The following PTPRT variants were observed in gnomAD, a reference collection of about 807,000 sequenced individuals.
PTPRT encodes the protein receptor-type tyrosine-protein phosphatase T.
Under a neutral mutation model 176.8 loss-of-function variants are expected in PTPRT, and 56 were observed. The observed-to-expected ratio is 0.32, with a 90% CI of 0.26 to 0.40. PTPRT has a LOEUF of 0.40. PTPRT is among the 10% of genes least tolerant of loss of function. The pLI is 1.00. For missense variants in PTPRT, 1,540 were observed against 1,908.2 expected, an observed-to-expected ratio of 0.81 and a Z score of 3.60; for synonymous variants, 783 against 739.0, an observed-to-expected ratio of 1.06 and a Z score of -0.96.
intron 9 of PTPRT, among the ~76,000 whole-genome samples, chr20:42,369,566 A>T (rs2058560131): frequency 6.6e-6 from 1 of 152,208 alleles, no homozygotes; most frequent in Admixed American, 6.5e-5. Flanking sequence ...TAAAAATGAA[A>T]GGTGCCAGAG....
intron 13 of PTPRT, among the ~76,000 whole-genome samples, chr20:42,264,986 T>C (rs981383874): frequency 5.9e-5 from 9 of 152,242 alleles, no homozygotes; most frequent in African/African-American, 2.2e-4. Context: ...GCTCACTCTC[T>C]GGACCTCAAT....
At chr20:42,864,260 C>A (rs540609567) in intron 2 of PTPRT, among the ~76,000 whole-genome samples, 1 of 152,184 alleles carries the variant, frequency 6.6e-6, no homozygotes, top group Non-Finnish European at 1.5e-5. Context: ...CTCAGGTCTT[C>A]AAAGAAGGCC....
intron 1 of PTPRT, among the ~76,000 whole-genome samples, chr20:42,949,090 T>C (rs1398198501): frequency 6.6e-6 from 1 of 152,196 alleles, no homozygotes; most frequent in Non-Finnish European, 1.5e-5. Context: ...ATCATCCCAT[T>C]GCTAAAAACA....
chr20:42,835,738 T>C (rs1299991687), intron 2 of PTPRT, among the ~76,000 whole-genome samples: 27 of 152,198 alleles, frequency 1.8e-4, no homozygotes, highest in Admixed American at 1.7e-3. Flanking sequence ...TTTCATTTTA[T>C]TCTTTACAAT....
chr20:42,589,371 A>G (rs978081409), intron 7 of PTPRT, among the ~76,000 whole-genome samples: 3 of 152,222 alleles, frequency 2.0e-5, no homozygotes, highest in South Asian at 4.1e-4. Context: ...AGCAAAAATG[A>G]TAAACTCAAT....
chr20:42,687,379 A>C (rs1422630139), intron 6 of PTPRT: 1 of 152,222 alleles, frequency 6.6e-6, no homozygotes, highest in Non-Finnish European at 1.5e-5. Flanking sequence ...TGCATAATTC[A>C]ATAACAACTT....
chr20:42,546,755 C>T (rs1428340018), intron 7 of PTPRT, among the ~76,000 whole-genome samples: 2 of 151,794 alleles, frequency 1.3e-5, no homozygotes, highest in African/African-American at 2.4e-5. Flanking sequence ...TTTTTTGTTT[C>T]GGGGAATATG....
intron 6 of PTPRT, among the ~76,000 whole-genome samples, chr20:42,709,099 G>A (rs1188103716): frequency 6.6e-6 from 1 of 152,218 alleles, no homozygotes; most frequent in South Asian, 2.1e-4. Flanking sequence ...GCTTGCTTTG[G>A]TTATTAAAAT....
chr20:42,615,198 G>C (rs1271015725), intron 7 of PTPRT, among the ~76,000 whole-genome samples: 3 of 129,206 alleles, frequency 2.3e-5, no homozygotes, highest in African/African-American at 6.8e-5. Flanking sequence ...TTGGTTTTTT[G>C]TTCTTGCGAT....
intron 1 of PTPRT, among the ~76,000 whole-genome samples, chr20:42,893,669 T>C (rs1456670025): frequency 6.6e-6 from 1 of 151,834 alleles, no homozygotes; most frequent in Non-Finnish European, 1.5e-5. Flanking sequence ...CACCATGGAA[T>C]ACTATGCAGC....
chr20:42,208,541 CAAAG>C (rs1488442139), intron 15 of PTPRT, among the ~76,000 whole-genome samples: 1 of 151,894 alleles, frequency 6.6e-6, no homozygotes, highest in East Asian at 1.9e-4. Context: ...TCAAAAGAGA[CAAAG>C]AAGGCCATTA....
At chr20:43,089,686 A>G (rs998838346) in intron 1 of PTPRT, among the ~76,000 whole-genome samples, 1 of 152,224 alleles carries the variant, frequency 6.6e-6, no homozygotes, top group African/African-American at 2.4e-5. Context: ...AAGCACCAGC[A>G]TGGGTGGATA....
chr20:42,844,624 T>A (rs1385290027), intron 2 of PTPRT, among the ~76,000 whole-genome samples: 1 of 152,176 alleles, frequency 6.6e-6, no homozygotes, highest in East Asian at 1.9e-4. Context: ...CCACTCCCCA[T>A]GACTTCCCCC....
intron 1 of PTPRT, among the ~76,000 whole-genome samples, chr20:43,052,914 C>T (rs1987101491): frequency 6.6e-6 from 1 of 152,194 alleles, no homozygotes; most frequent in Non-Finnish European, 1.5e-5. Flanking sequence ...CTGGCAGTTA[C>T]ATTCTTAGGT....
intron 12 of PTPRT, among the ~76,000 whole-genome samples, chr20:42,288,580 A>G (rs1381747277): frequency 6.6e-6 from 1 of 151,824 alleles, no homozygotes; most frequent in African/African-American, 2.4e-5. Flanking sequence ...TGTGTACCCA[A>G]TGTTTAGCTC....
chr20:42,165,655 C>G (rs981755013), intron 16 of PTPRT, among the ~76,000 whole-genome samples: 2 of 152,186 alleles, frequency 1.3e-5, no homozygotes, highest in Non-Finnish European at 2.9e-5. Context: ...TACTGAGCGT[C>G]TGAAATGTGG....
chr20:42,045,545 A>T, the PTPRT span, among the ~76,000 whole-genome samples: 3 of 151,800 alleles, frequency 2.0e-5, no homozygotes, highest in Non-Finnish European at 4.4e-5. Flanking sequence ...TCTAGGGAAG[A>T]TCTGGTGTCC....
At chr20:43,104,996 G>A (rs2012538294) in intron 1 of PTPRT, among the ~76,000 whole-genome samples, 1 of 152,040 alleles carries the variant, frequency 6.6e-6, no homozygotes, top group South Asian at 2.1e-4. Flanking sequence ...AATATCAAAG[G>A]GACCCCTAGT....
At chr20:42,487,823 C>G (rs562841866) in intron 7 of PTPRT, among the ~76,000 whole-genome samples, 1 of 152,314 alleles carries the variant, frequency 6.6e-6, no homozygotes, top group Admixed American at 6.5e-5. Context: ...CAAGACGAAA[C>G]TAACACAAAC....
Sources: allele counts gnomAD v4.1 joint callset (sites outside exome capture counted in the v4.1 genomes callset), GRCh38; gene constraint gnomAD v4.1.1; transcripts MANE v1.5; gene names NCBI Gene and HGNC (gene_info 2026-07-23, HGNC 2026-07-21).